APLF: variants seen among roughly 807,000 people sequenced by gnomAD.
APLF encodes the protein aprataxin and PNK-like factor.
A neutral mutation model predicts 55.6 loss-of-function variants in APLF; 61 were observed. That is an observed-to-expected ratio of 1.10 (90% CI 0.89 to 1.36). The LOEUF is 1.36. APLF is among the 40% of genes most tolerant of loss of function. The probability of loss-of-function intolerance (pLI) is 0.00; values close to 1 mark genes in which losing one functional copy is unlikely to be tolerated. For synonymous variants in APLF, 207 were observed against 214.8 expected (o/e 0.96, Z 0.32); for missense variants, 611 against 602.5 (o/e 1.01, Z -0.15).
intron 9 of APLF, among the ~76,000 whole-genome samples, chr2:68,576,295 A>C (rs1307343281): frequency 1.3e-5 from 2 of 152,262 alleles, no homozygotes; most frequent in East Asian, 3.9e-4. Context: ...CTGCCTTCCA[A>C]TTTTTAAAAA....
At position 68,467,806 on chromosome 2, in the gene APLF, C is replaced by T. The variant is rs1472024278; in HGVS notation, c.75C>T (p.Ile25=). Residue 25 remains isoleucine, a synonymous_variant, in exon 1 of 10, where the codon ATC becomes ATT. Coordinates refer to ENST00000303795, the MANE Select transcript of APLF (RefSeq NM_173545.3). ...CCCTGGCGCCCGGGGAGACGGTGAT[C>T]GGCCGCGGGCCGCTGCTGGGAGTAA... ...RVALAPGETV[I]GRGPLLGITD... The T allele has an allele frequency of 3.2e-6, 4 of 1,233,546 alleles. No individual in the cohort carries two copies. The African/African-American group carries it at 4.7e-5, about 14-fold the overall frequency. 76.4% of individuals were successfully genotyped at this position (1,233,546 alleles called of 1,614,324 possible). A position where few individuals can be genotyped will look rare whatever the true frequency, so the allele number is the denominator to read the frequency against.
intron 5 of APLF, among the ~76,000 whole-genome samples, chr2:68,518,702 A>G (rs1333164512): frequency 7.9e-6 from 1 of 125,916 alleles, no homozygotes; most frequent in Non-Finnish European, 1.6e-5. Context: ...TTAATATATC[A>G]TGAATATACA....
chr2:68,515,481 T>C, intron 5 of APLF: 1 of 733,830 alleles, frequency 1.4e-6, no homozygotes, highest in Non-Finnish European at 1.7e-6. Flanking sequence ...AAACAACTCC[T>C]TTTCTTTCAG....
At chr2:68,552,114 A>C (rs1218377539) in intron 8 of APLF, among the ~76,000 whole-genome samples, 1 of 152,062 alleles carries the variant, frequency 6.6e-6, no homozygotes, top group Non-Finnish European at 1.5e-5. Flanking sequence ...CTACCCATGC[A>C]TCTTAAATTT....
rs537367395 is a variant in APLF at position 68,566,808 on chromosome 2, T to C, written c.1287-533T>C. Reference sequence around the variant, plus strand: ...ACACTTTTTGTTTGATTCCAGAATATGTTTTTTTTGTTTGACTTCAGAATA... The same window carrying C: ...ACACTTTTTGTTTGATTCCAGAATACGTTTTTTTTGTTTGACTTCAGAATA... On this transcript the variant is annotated intron_variant, in intron 8 of 9. Transcript: ENST00000303795. Among the ~76,000 whole-genome samples the C allele has an allele frequency of 5.3e-5, 8 of 152,206 alleles. No individual in the cohort carries two copies. The South Asian group carries it at 1.7e-3, about 32-fold the overall frequency.
At position 68,491,306 on chromosome 2, in the gene APLF, T is replaced by C. The variant is rs113548160; in HGVS notation, c.168+1045T>C. On this transcript the variant is annotated intron_variant, in intron 2 of 9. Coordinates refer to ENST00000303795, the MANE Select transcript of APLF (RefSeq NM_173545.3). ...ATCCTCTCCAGCTATCTTATTCTTC[T>C]GAGATGACATACTGGATCATAAGGC... is the stretch of plus-strand genomic sequence containing the variant. Among the ~76,000 whole-genome samples, 8 of 152,340 alleles carry C rather than the reference T, an allele frequency of 5.3e-5. 1 individual carries two copies. Among genetic ancestry groups the C allele is most frequent in the African/African-American group, 1.9e-4 (8 of 41,570 alleles).
chr2:68,482,182 T>G (rs1675980812), intron 1 of APLF, among the ~76,000 whole-genome samples: 1 of 152,110 alleles, frequency 6.6e-6, no homozygotes, highest in African/African-American at 2.4e-5. Flanking sequence ...TGTCCCTATA[T>G]TGATATCTGC....
intron 8 of APLF, among the ~76,000 whole-genome samples, chr2:68,564,342 C>CT (rs1040277581): frequency 6.6e-6 from 1 of 151,992 alleles, no homozygotes. Flanking sequence ...TGTATAGAAT[C>CT]TTTTTTCCAG....
chr2:68,574,553 A>G (rs936381381), intron 9 of APLF, among the ~76,000 whole-genome samples: 4 of 152,238 alleles, frequency 2.6e-5, no homozygotes, highest in African/African-American at 9.6e-5. Context: ...AAGGTGGATT[A>G]CATTTGGCTA....
At chr2:68,510,810 G>T (rs1677026281) in intron 3 of APLF, among the ~76,000 whole-genome samples, 1 of 151,774 alleles carries the variant, frequency 6.6e-6, no homozygotes, top group African/African-American at 2.4e-5. Flanking sequence ...AACAAGTATT[G>T]TATAGTCATA....
At chr2:68,504,249 A>G (rs1486158231) in intron 3 of APLF, among the ~76,000 whole-genome samples, 1 of 151,974 alleles carries the variant, frequency 6.6e-6, no homozygotes, top group African/African-American at 2.4e-5. Context: ...AAATAATGCC[A>G]ATATTATTCT....
intron 5 of APLF, among the ~76,000 whole-genome samples, chr2:68,518,355 T>C (rs1421075667): frequency 9.0e-6 from 1 of 111,544 alleles, no homozygotes; most frequent in South Asian, 2.5e-4. Flanking sequence ...TATATTAATA[T>C]AGCAATATAT....
intron 1 of APLF, 97 bp downstream of exon 1, chr2:68,467,924 A>G (rs1407309655): frequency 1.7e-5 from 16 of 945,210 alleles, no homozygotes; most frequent in South Asian, 5.5e-5. Context: ...TCCCCACCGC[A>G]CTGGTCCGCC....
intron 1 of APLF, among the ~76,000 whole-genome samples, chr2:68,480,344 A>G (rs1297468944): frequency 3.4e-5 from 5 of 145,870 alleles, no homozygotes; most frequent in Non-Finnish European, 1.5e-5. Flanking sequence ...TCACTCTGCC[A>G]CCCAGGCTGG....
At chr2:68,569,765 TG>T (rs1437950260) in intron 9 of APLF, among the ~76,000 whole-genome samples, 13 of 152,166 alleles carry the variant, frequency 8.5e-5, no homozygotes, top group Admixed American at 3.3e-4. Context: ...TTTTGAAGGA[TG>T]AATCAAGAGG....
chr2:68,576,436 TACTA>T (rs1406940037), intron 9 of APLF, among the ~76,000 whole-genome samples: 1 of 152,172 alleles, frequency 6.6e-6, no homozygotes, highest in African/African-American at 2.4e-5. Context: ...GTGAGCTTCC[TACTA>T]TAATGATAAT....
intron 2 of APLF, among the ~76,000 whole-genome samples, chr2:68,499,866 C>G (rs545033775): frequency 1.3e-5 from 2 of 151,902 alleles, no homozygotes; most frequent in Admixed American, 6.6e-5. Context: ...TAAATACTTT[C>G]AAACAGGCTG....
chr2:68,542,765 T>A (rs1238204691), intron 7 of APLF, among the ~76,000 whole-genome samples: 1 of 152,102 alleles, frequency 6.6e-6, no homozygotes, highest in Non-Finnish European at 1.5e-5. Flanking sequence ...CTCAAAAAAA[T>A]TAAAGATAGA....
intron 1 of APLF, among the ~76,000 whole-genome samples, chr2:68,478,672 A>G (rs1198062191): frequency 6.6e-6 from 1 of 152,194 alleles, no homozygotes; most frequent in Non-Finnish European, 1.5e-5. Context: ...AGGAGAAAGG[A>G]TGTCTGTCTG....
Sources: allele counts gnomAD v4.1 joint callset (sites outside exome capture counted in the v4.1 genomes callset), GRCh38; gene constraint gnomAD v4.1.1; transcripts MANE v1.5; gene names NCBI Gene and HGNC (gene_info 2026-07-23, HGNC 2026-07-21).